MR1: variants seen among roughly 807,000 people sequenced by gnomAD.
MR1 encodes the protein major histocompatibility complex, class I-related, also known as major histocompatibility complex class I-related protein 1.
MR1 carries 44 observed loss-of-function variants against 37.8 expected under a neutral mutation model. That is an observed-to-expected ratio of 1.16 (90% confidence interval 0.91 to 1.50). The LOEUF is 1.50. MR1 is among the 40% of genes most tolerant of loss of function. The probability of loss-of-function intolerance (pLI) is 0.00; values close to 1 mark genes in which losing one functional copy is unlikely to be tolerated. For synonymous variants in MR1, 153 were observed against 155.8 expected, an observed-to-expected ratio of 0.98 and a Z score of 0.13; for missense variants, 386 against 419.1, an observed-to-expected ratio of 0.92 and a Z score of 0.69.
rs1657530199 is a variant in MR1 at position 181,041,097 on chromosome 1, AAAT to A, written c.67+7026_67+7028del. Reference sequence around the variant, plus strand: ...ACTCTGTCTCAATAAATAAATAAATAAATAAATAAATAAATAAATAAATAAAGC... The same window carrying A: ...ACTCTGTCTCAATAAATAAATAAATAAAATAAATAAATAAATAAATAAAGC... On this transcript the variant is annotated intron_variant, in intron 1 of 5. Transcript: ENST00000367580. 4.6e-5 allele frequency among the ~76,000 whole-genome samples: 7 copies of A among 151,562 alleles called. No individual in the cohort carries two copies. In the South Asian group the frequency reaches 1.5e-3, roughly 31 times the overall value.
intron 3 of MR1, among the ~76,000 whole-genome samples, chr1:181,052,004 C>A (rs149812338): frequency 6.6e-6 from 1 of 152,204 alleles, no homozygotes; most frequent in Non-Finnish European, 1.5e-5. Flanking sequence ...GACTTTCCCC[C>A]CTTAGAGGAT....
intron 1 of MR1, among the ~76,000 whole-genome samples, chr1:181,045,198 T>C (rs992518146): frequency 3.3e-5 from 5 of 151,926 alleles, no homozygotes; most frequent in African/African-American, 1.2e-4. Context: ...TTTTTGGAGG[T>C]GGGTTTTGAG....
chr1:181,040,104 G>A (rs1657482795), intron 1 of MR1, among the ~76,000 whole-genome samples: 1 of 152,170 alleles, frequency 6.6e-6, no homozygotes, highest in South Asian at 2.1e-4. Context: ...AGAAGCTGAT[G>A]AGACTGGGCA....
chr1:181,045,023 C>G (rs1053145202), intron 1 of MR1, among the ~76,000 whole-genome samples: 11 of 152,098 alleles, frequency 7.2e-5, no homozygotes, highest in Admixed American at 6.6e-5. Context: ...GTCTTCGAAG[C>G]CATACAAAGG....
At chr1:181,042,617 C>T (rs1193318845) in intron 1 of MR1, among the ~76,000 whole-genome samples, 3 of 151,376 alleles carry the variant, frequency 2.0e-5, no homozygotes, top group African/African-American at 7.3e-5. Context: ...GCCTGGCCAA[C>T]GTGGCAAAAA....
At chr1:181,044,581 G>A (rs1657753092) in intron 1 of MR1, among the ~76,000 whole-genome samples, 1 of 152,156 alleles carries the variant, frequency 6.6e-6, no homozygotes, top group South Asian at 2.1e-4. Context: ...AGGGGAGGTG[G>A]TAACCCTGTG....
At chr1:181,052,774 A>G (rs1658394246) in intron 4 of MR1, among the ~76,000 whole-genome samples, 1 of 152,226 alleles carries the variant, frequency 6.6e-6, no homozygotes, top group African/African-American at 2.4e-5. Flanking sequence ...AAAAATTTAA[A>G]AATTAAACAC....
At chr1:181,039,243 CAGTTGTGATGACTATGATTA>C (rs1465671033) in intron 1 of MR1, among the ~76,000 whole-genome samples, 1 of 152,214 alleles carries the variant, frequency 6.6e-6, no homozygotes, top group Non-Finnish European at 1.5e-5. Flanking sequence ...TAAACAAATA[CAGTTGTGATGACTATGATTA>C]AGATGCTGCT....
At position 181,058,300 on chromosome 1, in the gene MR1, A is replaced by C. The variant is rs543270102; in HGVS notation, c.*3035A>C. ...GAACACTAGATGAGAAACCTGTTCA[A>C]CTCTGTTCTTTTTTTTTTTTTTAAC... On this transcript the variant is annotated 3_prime_UTR_variant, in exon 6 of 6. Coordinates refer to ENST00000367580, the MANE Select transcript of MR1 (RefSeq NM_001385161.1). The C allele has an allele frequency of 2.1e-3, 301 of 145,578 alleles. 1 individual carries two copies. Among genetic ancestry groups the C allele is most frequent in the African/African-American group, 7.2e-3 (282 of 39,312 alleles). The allele number at this position is 145,578 out of a possible 1,614,324, so 9.0% of individuals were successfully genotyped here.
At chr1:181,052,796 G>A (rs1483420238) in intron 4 of MR1, among the ~76,000 whole-genome samples, 1 of 152,236 alleles carries the variant, frequency 6.6e-6, no homozygotes, top group Non-Finnish European at 1.5e-5. Flanking sequence ...AATGGGTGCA[G>A]TGGCTCATGC....
At chr1:181,045,048 TGGG>T (rs1159739795) in intron 1 of MR1, among the ~76,000 whole-genome samples, 1 of 152,104 alleles carries the variant, frequency 6.6e-6, no homozygotes, top group Non-Finnish European at 1.5e-5. Context: ...TCTCTCAAGG[TGGG>T]GGGATAGAAC....
rs763962565 is a variant in MR1, at chr1:181,049,084, G to A, written c.100G>A (p.Val34Ile). The change falls in exon 2 of 6, where the codon GTT becomes ATT. Residue 34 changes from valine (V) to isoleucine (I), a missense_variant. Physicochemically the swap from Val to Ile is conservative, Grantham distance 29 (BLOSUM62 3). Coordinates refer to ENST00000367580, the MANE Select transcript of MR1 (RefSeq NM_001385161.1). The stretch of plus-strand genomic sequence containing the variant: ...CTCTCTGAGATATTTTCGCCTGGGC[G>A]TTTCGGATCCCATCCATGGGGTCCC... ...THSLRYFRLG[V>I]SDPIHGVPEF... The A allele has an allele frequency of 3.3e-5, 54 of 1,613,912 alleles. No individual in the cohort carries two copies. The highest frequency in any genetic ancestry group is 1.2e-4 in the Admixed American group (7 of 59,994).
Position 181,055,204 on chromosome 1 carries a change from TA to T in MR1, c.986-16del. On this transcript the variant is annotated intron_variant, in intron 5 of 5. Coordinates refer to ENST00000367580, the MANE Select transcript of MR1 (RefSeq NM_001385161.1). The stretch of plus-strand genomic sequence containing the variant: ...TGAGGAAACATTCTTGTAATCTGAC[TA>T]AAAACCCCTTTCCTTTCAGAGCAAA... 1.2e-6 allele frequency: 2 copies of T among 1,612,582 alleles called. No individual in the cohort carries two copies. The highest frequency in any genetic ancestry group is 2.2e-5 in the East Asian group (1 of 44,866).
intron 3 of MR1, 26 bp downstream of exon 3, chr1:181,050,312 C>T (rs1262896565): frequency 6.2e-6 from 10 of 1,613,454 alleles, no homozygotes; most frequent in South Asian, 1.1e-5. Context: ...AGGCCTCATT[C>T]CCACATTGCC....
At chr1:181,053,526 G>T in intron 4 of MR1, 47 bp from the exon 5 acceptor site, 1 of 1,429,000 alleles carries the variant, frequency 7.0e-7, no homozygotes. Context: ...AGTTAACACA[G>T]AAGGGAAAGG....
At chr1:181,050,671 G>GACAA (rs1382716636) in intron 3 of MR1, 3 of 272,576 alleles carry the variant, frequency 1.1e-5, no homozygotes, top group African/African-American at 2.2e-5. Flanking sequence ...GATTTACCAA[G>GACAA]ACAAACAGAA....
At chr1:181,053,720 C>T in intron 5 of MR1, 43 bp downstream of exon 5, 1 of 1,347,946 alleles carries the variant, frequency 7.4e-7, no homozygotes, top group South Asian at 1.2e-5. Flanking sequence ...GCAGACTCTC[C>T]TGCATCTCTC....
chr1:181,052,887 T>C (rs1463627837), intron 4 of MR1, among the ~76,000 whole-genome samples: 7 of 151,490 alleles, frequency 4.6e-5, no homozygotes, highest in Admixed American at 1.3e-4. Flanking sequence ...GCCAACATGG[T>C]GAAACCCCAT....
rs1172264268 is a variant in MR1, at chr1:181,057,480, A to T, written c.*2215A>T. ...CATAGACACAGGTGATAATGTATCT[A>T]TGTAAATGCCTTTTGATTCTGCAAC... On this transcript the variant is annotated 3_prime_UTR_variant, in exon 6 of 6. Transcript: ENST00000367580. 6.6e-6 allele frequency: 1 copy of T among 152,214 alleles called. No individual in the cohort carries two copies. Among genetic ancestry groups the T allele is most frequent in the Non-Finnish European group, 1.5e-5 (1 of 68,048 alleles). The allele number at this position is 152,214 out of a possible 1,614,324, so 9.4% of individuals were successfully genotyped here.
Sources: gnomAD v4.1 joint callset for allele counts (sites outside exome capture counted in the v4.1 genomes callset) on GRCh38, gnomAD v4.1.1 for gene constraint, MANE v1.5 for transcripts, NCBI Gene and HGNC (gene_info 2026-07-23, HGNC 2026-07-21) for gene names.